Variants in RNF217 observed in about 807,000 individuals in gnomAD.
RNF217 encodes the protein ring finger protein 217.
Under a neutral mutation model 57.8 loss-of-function variants are expected in RNF217, and 31 were observed. That is an observed-to-expected ratio of 0.54 (90% CI 0.40 to 0.72). RNF217 has a LOEUF of 0.72. RNF217 is among the 30% of genes least tolerant of loss of function. The pLI is 0.00. For synonymous variants in RNF217, 313 were observed against 294.0 expected (o/e 1.06, Z -0.66); for missense variants, 696 against 708.3 (o/e 0.98, Z 0.20).
At chr6:125,074,515 A>G (rs1313717800) in intron 3 of RNF217, among the ~76,000 whole-genome samples, 1 of 152,198 alleles carries the variant, frequency 6.6e-6, no homozygotes, top group Non-Finnish European at 1.5e-5. Context: ...TTTAATCCCT[A>G]AAACTGAAAT....
chr6:125,011,760 A>G (rs1209074559), intron 1 of RNF217, among the ~76,000 whole-genome samples: 1 of 151,906 alleles, frequency 6.6e-6, no homozygotes, highest in East Asian at 1.9e-4. Context: ...TTTCCCATCT[A>G]GTTCTTTACT....
chr6:125,056,172 A>G (rs1006357476), intron 2 of RNF217, among the ~76,000 whole-genome samples: 2 of 152,176 alleles, frequency 1.3e-5, no homozygotes, highest in East Asian at 1.9e-4. Context: ...GCCGTTTAGT[A>G]TAAGACTATA....
chr6:124,982,169 A>T (rs935715951), intron 1 of RNF217, among the ~76,000 whole-genome samples: 1 of 152,078 alleles, frequency 6.6e-6, no homozygotes, highest in East Asian at 1.9e-4. Flanking sequence ...GGTTTGCCTG[A>T]TGTACTTTCC....
intron 1 of RNF217, chr6:125,008,738 C>CT (rs370816324): frequency 0.6 from 79,785 of 133,418 alleles, 24,457 homozygotes; most frequent in East Asian, 0.73. Context: ...CAGGGGCTAC[C>CT]TTTTTTTTTT....
At chr6:124,984,238 G>A (rs1784284683) in intron 1 of RNF217, among the ~76,000 whole-genome samples, 1 of 152,148 alleles carries the variant, frequency 6.6e-6, no homozygotes, top group African/African-American at 2.4e-5. Context: ...TATAATTGTG[G>A]TTGTGCTATA....
chr6:124,998,305 C>G (rs1422889326), intron 1 of RNF217, among the ~76,000 whole-genome samples: 3 of 152,122 alleles, frequency 2.0e-5, no homozygotes, highest in East Asian at 1.9e-4. Flanking sequence ...GCTCCTTTCC[C>G]CCATTTCAGA....
At chr6:125,049,076 G>A (rs759135787) in intron 2 of RNF217, among the ~76,000 whole-genome samples, 12 of 151,962 alleles carry the variant, frequency 7.9e-5, no homozygotes, top group South Asian at 2.1e-4. Flanking sequence ...CAAGGTTGAC[G>A]TCAGCTTCCA....
chr6:125,072,262 T>C (rs1299289723), intron 3 of RNF217, among the ~76,000 whole-genome samples: 1 of 152,160 alleles, frequency 6.6e-6, no homozygotes, highest in Non-Finnish European at 1.5e-5. Flanking sequence ...ATAATCAAGA[T>C]ATATTCATAA....
intron 2 of RNF217, among the ~76,000 whole-genome samples, chr6:125,045,663 T>C (rs888960472): frequency 1.6e-4 from 24 of 152,104 alleles, no homozygotes; most frequent in Non-Finnish European, 3.1e-4. Context: ...TTTAACCATG[T>C]TGAAAATTAA....
At chr6:125,036,008 A>G (rs1157541498) in intron 1 of RNF217, among the ~76,000 whole-genome samples, 5 of 152,042 alleles carry the variant, frequency 3.3e-5, no homozygotes, top group Non-Finnish European at 7.3e-5. Context: ...TGCTGCACCC[A>G]TCAACCCGTC....
intron 1 of RNF217, among the ~76,000 whole-genome samples, chr6:124,968,559 T>G (rs1304084091): frequency 6.6e-6 from 1 of 152,206 alleles, no homozygotes; most frequent in East Asian, 1.9e-4. Flanking sequence ...CAGCAGGACT[T>G]TTTCCGAGGC....
intron 1 of RNF217, among the ~76,000 whole-genome samples, chr6:124,989,269 C>T (rs73770785): frequency 0.023 from 3,442 of 152,226 alleles, 135 homozygotes; most frequent in African/African-American, 0.076. Context: ...ACTACAGTCT[C>T]ACTGCATAAT....
At chr6:125,019,940 G>C (rs1472260816) in intron 1 of RNF217, among the ~76,000 whole-genome samples, 1 of 152,088 alleles carries the variant, frequency 6.6e-6, no homozygotes, top group Non-Finnish European at 1.5e-5. Context: ...AGCTTAGTCA[G>C]CTTTGTGGAG....
At chr6:125,037,557 C>A (rs1389303281) in intron 1 of RNF217, among the ~76,000 whole-genome samples, 1 of 151,960 alleles carries the variant, frequency 6.6e-6, no homozygotes, top group Non-Finnish European at 1.5e-5. Flanking sequence ...AGCACTAAGC[C>A]CTGTAGTTGC....
In RNF217 at chr6:124,963,976, TC is replaced by T. The variant is rs1441814947; in HGVS notation, c.882+551del. ...TTCCACAGTAAAGTTGAAGTACTTT[TC>T]TTTCACTGAGGTTTTAAGCCAGCAC... is the stretch of plus-strand genomic sequence containing the variant. On this transcript the variant is annotated intron_variant, in intron 1 of 5. Coordinates refer to ENST00000521654, the MANE Select transcript of RNF217 (RefSeq NM_001286398.3). Among the ~76,000 whole-genome samples the T allele has an allele frequency of 3.9e-5, 6 of 152,346 alleles. No homozygotes were observed. In the East Asian group the frequency reaches 9.6e-4, roughly 24 times the overall value.
intron 1 of RNF217, among the ~76,000 whole-genome samples, chr6:125,013,256 T>A (rs1240919103): frequency 1.3e-5 from 2 of 151,392 alleles, no homozygotes; most frequent in Non-Finnish European, 2.9e-5. Context: ...AGGACAGGGG[T>A]GATAATGGTT....
intron 1 of RNF217, among the ~76,000 whole-genome samples, chr6:125,041,544 T>A (rs1366339186): frequency 1.3e-5 from 2 of 152,162 alleles, no homozygotes; most frequent in Non-Finnish European, 2.9e-5. Context: ...TATATTTTTG[T>A]CACTGAGTTG....
At chr6:125,064,224 T>G (rs1787854564) in intron 3 of RNF217, among the ~76,000 whole-genome samples, 1 of 152,146 alleles carries the variant, frequency 6.6e-6, no homozygotes, top group South Asian at 2.1e-4. Context: ...AAATAGCTTT[T>G]CCCTAACTAC....
chr6:124,986,692 C>G (rs1423825710), intron 1 of RNF217, among the ~76,000 whole-genome samples: 3 of 152,046 alleles, frequency 2.0e-5, no homozygotes, highest in Non-Finnish European at 4.4e-5. Context: ...AAAGGCCAGA[C>G]AGTACATATT....
Sources: allele counts gnomAD v4.1 joint callset (sites outside exome capture counted in the v4.1 genomes callset), GRCh38; gene constraint gnomAD v4.1.1; transcripts MANE v1.5; gene names NCBI Gene and HGNC (gene_info 2026-07-23, HGNC 2026-07-21).